HIVEP2: variants seen among roughly 807,000 people sequenced by gnomAD.
The protein encoded by HIVEP2 is transcription factor HIVEP2.
In HIVEP2, 14 loss-of-function variants were observed where a neutral mutation model predicts 180.7. The ratio of observed to expected loss-of-function variants is 0.08; its 90% confidence interval spans 0.05 to 0.12. The LOEUF is 0.12. HIVEP2 is among the 10% of genes least tolerant of loss of function. The pLI is 1.00. For missense variants in HIVEP2, 2,579 were observed against 3,008.5 expected (o/e 0.86, Z 3.34); for synonymous variants, 1,184 against 1,136.4 (o/e 1.04, Z -0.84).
chr6:142,756,434 G>A (rs144826423), intron 9 of HIVEP2, among the ~76,000 whole-genome samples: 67 of 152,242 alleles, frequency 4.4e-4, no homozygotes, highest in Admixed American at 7.8e-4. Context: ...TGAATGGCAC[G>A]TTCTTTCAGG....
At chr6:142,922,865 T>C (rs1231186975) in intron 1 of HIVEP2, among the ~76,000 whole-genome samples, 4 of 152,206 alleles carry the variant, frequency 2.6e-5, no homozygotes. Flanking sequence ...ATTTTGCAGG[T>C]ATGAGCATGT....
At position 142,751,731 on chromosome 6, in the gene HIVEP2, T is replaced by A. The variant is rs1774925657; in HGVS notation, c.*1376A>T. 1 of 152,638 alleles carries A rather than the reference T, an allele frequency of 6.6e-6. No individual in the cohort carries two copies. Among genetic ancestry groups the A allele is most frequent in the African/African-American group, 2.4e-5 (1 of 41,442 alleles). 9.5% of individuals were successfully genotyped at this position (152,638 alleles called of 1,614,324 possible). ...TGAGTATTACATACAACAGACATCC[T>A]CCCACGAGTTCTTTGCCCTTGAAAG... On this transcript the variant is annotated 3_prime_UTR_variant, in exon 10 of 10. Transcript: ENST00000367603.
intron 8 of HIVEP2, 95 bp from the exon 9 acceptor site, chr6:142,760,762 A>G (rs1775211583): frequency 3.5e-6 from 3 of 858,916 alleles, no homozygotes; most frequent in Non-Finnish European, 5.3e-6. Flanking sequence ...GCTTTTCCCA[A>G]TCCCTAGTGC....
intron 1 of HIVEP2, among the ~76,000 whole-genome samples, chr6:142,944,271 ATGTAAGAGG>A (rs1778247250): frequency 6.6e-6 from 1 of 151,352 alleles, no homozygotes; most frequent in Non-Finnish European, 1.5e-5. Flanking sequence ...TGGATGTGTT[ATGTAAGAGG>A]GACAGAACGC....
At chr6:142,768,677 C>A (rs1025006090) in intron 5 of HIVEP2, 141 bp from the exon 6 acceptor site, 2 of 705,588 alleles carry the variant, frequency 2.8e-6, no homozygotes, top group Non-Finnish European at 4.7e-6. Context: ...AAATAAGGAC[C>A]ACTAGGGATA....
At chr6:142,910,893 C>A (rs1777386034) in intron 1 of HIVEP2, among the ~76,000 whole-genome samples, 1 of 152,044 alleles carries the variant, frequency 6.6e-6, no homozygotes. Flanking sequence ...CTTGAAAGAC[C>A]ATCGTGCATG....
At position 142,854,104 on chromosome 6, in the gene HIVEP2, G is replaced by A. The variant is rs1775758678; in HGVS notation, c.-640-17057C>T. 2.0e-5 allele frequency among the ~76,000 whole-genome samples: 3 copies of A among 152,126 alleles called. No individual in the cohort carries two copies. The South Asian group carries it at 6.2e-4, about 32-fold the overall frequency. ...GCTCTGTGTTGTTCATAAAAACCCG[G>A]TTCAGGCTGGTGGCTGTGCCATCCC... On this transcript the variant is annotated intron_variant, in intron 1 of 9. Transcript: ENST00000367603.
rs529176378 is a variant in HIVEP2, at chr6:142,905,871, C to T, written c.-641+39228G>A. ...ATCAGTCCGGGCGTGGTGGCTCACG[C>T]CTATAATCCTAGCCCTTTGGGAGGC... On this transcript the variant is annotated intron_variant, in intron 1 of 9. Coordinates refer to ENST00000367603, the MANE Select transcript of HIVEP2 (RefSeq NM_006734.4). Among the ~76,000 whole-genome samples, 22 of 152,338 alleles carry T rather than the reference C, an allele frequency of 1.4e-4. No individual in the cohort carries two copies. In the South Asian group the frequency reaches 4.2e-3, roughly 29 times the overall value.
At chr6:142,798,717 G>T (rs1420107400) in intron 2 of HIVEP2, among the ~76,000 whole-genome samples, 2 of 152,150 alleles carry the variant, frequency 1.3e-5, no homozygotes, top group Non-Finnish European at 2.9e-5. Flanking sequence ...TTCGAGTGAA[G>T]ACAGAACTGA....
At chr6:142,865,072 G>A (rs141422971) in intron 1 of HIVEP2, among the ~76,000 whole-genome samples, 327 of 152,236 alleles carry the variant, frequency 2.1e-3, no homozygotes, top group Non-Finnish European at 3.0e-3. Context: ...TGTGAATTTT[G>A]TTTTTGTTTT....
At chr6:142,924,171 G>A (rs571480582) in intron 1 of HIVEP2, among the ~76,000 whole-genome samples, 16 of 152,280 alleles carry the variant, frequency 1.1e-4, no homozygotes, top group African/African-American at 3.9e-4. Context: ...AATGTTTATT[G>A]TGCATCTGCT....
chr6:142,807,879 A>G (rs1776590976), intron 2 of HIVEP2, among the ~76,000 whole-genome samples: 3 of 152,186 alleles, frequency 2.0e-5, no homozygotes, highest in African/African-American at 4.8e-5. Flanking sequence ...AAGGATTACA[A>G]GATCAAGGCC....
intron 1 of HIVEP2, among the ~76,000 whole-genome samples, chr6:142,913,182 T>C (rs1467559274): frequency 1.3e-5 from 2 of 152,200 alleles, no homozygotes; most frequent in African/African-American, 4.8e-5. Flanking sequence ...AAAAGTTGTA[T>C]CAATTCATTT....
chr6:142,850,724 A>C (rs1775648242), intron 1 of HIVEP2, among the ~76,000 whole-genome samples: 1 of 152,206 alleles, frequency 6.6e-6, no homozygotes, highest in African/African-American at 2.4e-5. Context: ...AAGCCTGACA[A>C]TTATAAGTTA....
At chr6:142,790,198 C>T (rs1776103960) in intron 2 of HIVEP2, among the ~76,000 whole-genome samples, 1 of 152,124 alleles carries the variant, frequency 6.6e-6, no homozygotes, top group African/African-American at 2.4e-5. Context: ...AAAATTTCAC[C>T]TAGGAGACCT....
intron 1 of HIVEP2, among the ~76,000 whole-genome samples, chr6:142,864,937 A>G (rs1228513378): frequency 6.6e-6 from 1 of 152,182 alleles, no homozygotes; most frequent in Non-Finnish European, 1.5e-5. Flanking sequence ...TCACATAACA[A>G]AAGTTAACTA....
At chr6:142,764,622 C>G (rs1332682565) in intron 7 of HIVEP2, among the ~76,000 whole-genome samples, 177 bp downstream of exon 7, 1 of 152,220 alleles carries the variant, frequency 6.6e-6, no homozygotes, top group Non-Finnish European at 1.5e-5. Context: ...AAAGGAGCCT[C>G]ACAGTCTCAC....
At chr6:142,889,933 T>A (rs1776812390) in intron 1 of HIVEP2, among the ~76,000 whole-genome samples, 1 of 152,178 alleles carries the variant, frequency 6.6e-6, no homozygotes, top group Non-Finnish European at 1.5e-5. Context: ...TTAATTTAAA[T>A]TTAGATAACC....
intron 2 of HIVEP2, among the ~76,000 whole-genome samples, chr6:142,784,095 C>T (rs1471096132): frequency 1.3e-5 from 2 of 152,106 alleles, no homozygotes; most frequent in African/African-American, 4.8e-5. Context: ...AAGCAAAATT[C>T]AGACTTTAAA....
Sources: allele counts gnomAD v4.1 joint callset (sites outside exome capture counted in the v4.1 genomes callset), GRCh38; gene constraint gnomAD v4.1.1; transcripts MANE v1.5; gene names NCBI Gene and HGNC (gene_info 2026-07-23, HGNC 2026-07-21).